ZNF510: variants seen among roughly 807,000 people sequenced by gnomAD.
ZNF510 encodes the protein zinc finger protein 510.
A neutral mutation model predicts 18.1 loss-of-function variants in ZNF510; 15 were observed. That is an observed-to-expected ratio of 0.83 (90% confidence interval 0.55 to 1.28). ZNF510 has a LOEUF of 1.28. Ranked by LOEUF, ZNF510 falls within the 50% of genes most tolerant of loss-of-function variation. The pLI, the probability that ZNF510 is intolerant of heterozygous loss-of-function variation, is 0.00. For missense variants in ZNF510, 724 were observed against 791.8 expected (o/e 0.91, Z 1.03); for synonymous variants, 261 against 266.4 (o/e 0.98, Z 0.20).
At position 96,755,428 on chromosome 9, in the gene ZNF510, T is replaced by C. The variant is rs1849172032; in HGVS notation, c.*3350A>G. ...AGGTACTAACTGGGCTTGTGTACCA[T>C]TAATCTTCCTGTCATATCTGCTTCT... is the stretch of plus-strand genomic sequence containing the variant. On this transcript the variant is annotated 3_prime_UTR_variant, in exon 6 of 6. Coordinates refer to ENST00000223428, the MANE Select transcript of ZNF510 (RefSeq NM_014930.3). Among the ~76,000 whole-genome samples, 1 of 152,212 alleles carries C rather than the reference T, an allele frequency of 6.6e-6. No homozygotes were observed. Among genetic ancestry groups the C allele is most frequent in the African/African-American group, 2.4e-5 (1 of 41,450 alleles).
At chr9:96,764,779 C>T (rs1849432275) in intron 3 of ZNF510, among the ~76,000 whole-genome samples, 1 of 152,016 alleles carries the variant, frequency 6.6e-6, no homozygotes, top group Non-Finnish European at 1.5e-5. Context: ...GACTGCATTA[C>T]TATCATATAC....
At chr9:96,765,935 G>A (rs1849460218) in intron 3 of ZNF510, among the ~76,000 whole-genome samples, 1 of 152,108 alleles carries the variant, frequency 6.6e-6, no homozygotes, top group South Asian at 2.1e-4. Flanking sequence ...ATTCATTCAG[G>A]CATTAGTTAT....
At chr9:96,768,411 AAACT>A (rs1301496123) in intron 3 of ZNF510, among the ~76,000 whole-genome samples, 2 of 152,170 alleles carry the variant, frequency 1.3e-5, no homozygotes, top group African/African-American at 4.8e-5. Context: ...GAAAAAAGTA[AAACT>A]ATCTCTATTC....
chr9:96,770,575 C>A (rs1450214149), intron 3 of ZNF510, among the ~76,000 whole-genome samples: 1 of 151,264 alleles, frequency 6.6e-6, no homozygotes, highest in Non-Finnish European at 1.5e-5. Flanking sequence ...TGCAATCCAG[C>A]CTGAGCGACA....
chr9:96,776,942 G>C (rs1849716122), intron 1 of ZNF510, among the ~76,000 whole-genome samples: 1 of 152,144 alleles, frequency 6.6e-6, no homozygotes, highest in Non-Finnish European at 1.5e-5. Flanking sequence ...ATCAACTACT[G>C]AGCACTGGAA....
chr9:96,767,010 G>A (rs10156434), intron 3 of ZNF510, among the ~76,000 whole-genome samples: 9,034 of 152,160 alleles, frequency 0.059, 883 homozygotes, highest in African/African-American at 0.2. Flanking sequence ...TTTTCACCTC[G>A]CTACAGGATC....
chr9:96,762,824 CAAT>C (rs1345581877), intron 5 of ZNF510: 3 of 207,138 alleles, frequency 1.4e-5, no homozygotes, highest in Non-Finnish European at 2.9e-5. Flanking sequence ...TCTTTTCCCA[CAAT>C]GACTCGCAGA....
chr9:96,773,628 T>C (rs1323949188), intron 3 of ZNF510, among the ~76,000 whole-genome samples: 1 of 151,214 alleles, frequency 6.6e-6, no homozygotes, highest in Non-Finnish European at 1.5e-5. Context: ...CAGGCTGGAG[T>C]GCAGTAGCAC....
chr9:96,777,637 G>A (rs1031280500), intron 1 of ZNF510: 1 of 152,222 alleles, frequency 6.6e-6, no homozygotes, highest in Non-Finnish European at 1.5e-5. Context: ...ACGCTCAAGT[G>A]ACAGAGCCAA....
chr9:96,764,584 ATATT>A (rs1222536786), intron 3 of ZNF510, among the ~76,000 whole-genome samples: 10 of 152,200 alleles, frequency 6.6e-5, no homozygotes, highest in African/African-American at 2.2e-4. Context: ...AAAACTGAAA[ATATT>A]TATTACTTGC....
chr9:96,760,600 ATG>A, intron 5 of ZNF510, 123 bp from the exon 6 acceptor site: 1 of 879,948 alleles, frequency 1.1e-6, no homozygotes, highest in Non-Finnish European at 1.6e-6. Context: ...ATTCAGATGT[ATG>A]TGTGTGTAAA....
Position 96,775,012 on chromosome 9 carries a change from C to A in ZNF510, c.71-166G>T, listed in dbSNP as rs184301443. Reference sequence around the variant, plus strand: ...AGAGAAAGCACCTCCTGAATATGTGCATCTTTAATATGATCATGTGGATGA... The same window carrying A: ...AGAGAAAGCACCTCCTGAATATGTGAATCTTTAATATGATCATGTGGATGA... On this transcript the variant is annotated intron_variant, in intron 2 of 5. Transcript: ENST00000223428. Among the ~76,000 whole-genome samples, 15 of 150,490 alleles carry A rather than the reference C, an allele frequency of 1.0e-4. No individual in the cohort carries two copies. In the East Asian group the frequency reaches 3.0e-3, roughly 30 times the overall value.
chr9:96,775,569 C>G (rs1377656581), intron 2 of ZNF510, among the ~76,000 whole-genome samples: 1 of 152,146 alleles, frequency 6.6e-6, no homozygotes, highest in East Asian at 1.9e-4. Context: ...TCTCAAAAGA[C>G]TTTCGATAAG....
At position 96,760,310 on chromosome 9, in the gene ZNF510, A is replaced by G; in HGVS notation, c.520T>C (p.Cys174Arg). 6.2e-7 allele frequency: 1 copy of G among 1,613,852 alleles called. No individual in the cohort carries two copies. The highest frequency in any genetic ancestry group is 8.5e-7 in the Non-Finnish European group (1 of 1,179,834). ...VAAVASTKMS[C>R]KCNSWEVNLQ... The stretch of plus-strand genomic sequence containing the variant: ...TTCACTTCCCATGAGTTGCATTTGC[A>G]GGACATTTTTGTTGAAGCAACAGCA... Residue 174 changes from cysteine to arginine, a missense_variant, in exon 6 of 6, where the codon TGC becomes CGC. Transcript: ENST00000223428.
chr9:96,768,958 G>C (rs1019613715), intron 3 of ZNF510, among the ~76,000 whole-genome samples: 4 of 152,148 alleles, frequency 2.6e-5, no homozygotes, highest in Admixed American at 2.6e-4. Flanking sequence ...CAGTAATCAA[G>C]AGAGTGTGGT....
rs756535836 is a variant in ZNF510, at chr9:96,759,100, C to A, written c.1730G>T (p.Cys577Phe). Residue 577 changes from cysteine (C) to phenylalanine (F), a missense_variant, in exon 6 of 6, where the codon TGT (cysteine) becomes TTT (phenylalanine). By Grantham distance (205) the Cys-to-Phe change is radical (BLOSUM62 -2). Transcript: ENST00000223428. ...TGEKPFKCNE[C>F]GKTFARTSTL... ...TGATGTCCGGGCAAAAGTTTTCCCA[C>A]ATTCGTTACATTTGAATGGTTTCTC... 1 of 1,614,114 alleles carries A rather than the reference C, an allele frequency of 6.2e-7. No individual in the cohort carries two copies. The highest frequency in any genetic ancestry group is 8.5e-7 in the Non-Finnish European group (1 of 1,180,002).
chr9:96,775,816 C>T (rs73536610), intron 2 of ZNF510, among the ~76,000 whole-genome samples, 184 bp downstream of exon 2: 7,329 of 152,248 alleles, frequency 0.048, 585 homozygotes, highest in African/African-American at 0.17. Flanking sequence ...GTGAGAGTGA[C>T]TCAGAATCTG....
chr9:96,760,118 T>A lies in ZNF510; in HGVS notation c.712A>T (p.Asn238Tyr). 1 of 1,609,074 alleles carries A rather than the reference T, an allele frequency of 6.2e-7. No homozygotes were observed. The highest frequency in any genetic ancestry group is 1.1e-5 in the South Asian group (1 of 89,720). ...TTTGGATGCTTGGGAAGATTTTCAT[T>A]ATAATTGAGAGCTTTCATGTTTTTA... Reference protein sequence around the residue: ...HNKNMKALNYNENLPKHPKFQ... With the variant: ...HNKNMKALNYYENLPKHPKFQ... The change falls in exon 6 of 6, where the codon AAT (asparagine) becomes TAT (tyrosine). Residue 238 changes from asparagine to tyrosine, a missense_variant. Physicochemically the swap from Asn to Tyr is moderately radical, Grantham distance 143. Coordinates refer to ENST00000223428, the MANE Select transcript of ZNF510 (RefSeq NM_014930.3).
chr9:96,764,148 AC>A (rs1370263802), intron 3 of ZNF510, among the ~76,000 whole-genome samples: 1 of 152,120 alleles, frequency 6.6e-6, no homozygotes, highest in Non-Finnish European at 1.5e-5. Context: ...ATATACATAT[AC>A]TATAAATAGA....
Sources: allele counts gnomAD v4.1 joint callset (sites outside exome capture counted in the v4.1 genomes callset), GRCh38; gene constraint gnomAD v4.1.1; transcripts MANE v1.5; gene names NCBI Gene and HGNC (gene_info 2026-07-23, HGNC 2026-07-21).